The following NUBPL variants were observed in gnomAD, a reference collection of about 807,000 sequenced individuals.
NUBPL encodes the protein NUBP iron-sulfur cluster assembly factor, mitochondrial.
NUBPL carries 31 observed loss-of-function variants against 45.7 expected under a neutral mutation model. The ratio of observed to expected loss-of-function variants is 0.68; its 90% CI spans 0.51 to 0.92. NUBPL has a LOEUF of 0.92. Among genes scored for constraint, NUBPL ranks in the 40% least tolerant of loss-of-function variants. The probability of loss-of-function intolerance (pLI) is 0.00; values close to 1 mark genes in which losing one functional copy is unlikely to be tolerated. For missense variants in NUBPL, 401 were observed against 398.7 expected (o/e 1.01, Z -0.05); for synonymous variants, 144 against 140.9 (o/e 1.02, Z -0.15).
At chr14:31,604,528 C>T (rs1439837117) in intron 4 of NUBPL, among the ~76,000 whole-genome samples, 1 of 152,166 alleles carries the variant, frequency 6.6e-6, no homozygotes, top group African/African-American at 2.4e-5. Context: ...ATAGGTGTTC[C>T]TCTGTTCTGG....
At chr14:31,627,971 T>C (rs2035251327) in intron 4 of NUBPL, among the ~76,000 whole-genome samples, 1 of 152,144 alleles carries the variant, frequency 6.6e-6, no homozygotes, top group Non-Finnish European at 1.5e-5. Context: ...AGAGTGGCAT[T>C]GTTTATGTTT....
chr14:31,785,000 C>T (rs982221434), intron 6 of NUBPL, among the ~76,000 whole-genome samples: 7 of 152,108 alleles, frequency 4.6e-5, no homozygotes, highest in Non-Finnish European at 8.8e-5. Context: ...GGCTGGAGTT[C>T]TTTCCTTCAG....
intron 4 of NUBPL, among the ~76,000 whole-genome samples, chr14:31,623,721 A>T (rs911744800): frequency 6.6e-6 from 1 of 152,140 alleles, no homozygotes; most frequent in Non-Finnish European, 1.5e-5. Flanking sequence ...ACCCAGTCTT[A>T]GGTAGTTCTT....
intron 3 of NUBPL, among the ~76,000 whole-genome samples, chr14:31,583,674 A>G (rs2033921865): frequency 6.6e-6 from 1 of 152,206 alleles, no homozygotes; most frequent in Non-Finnish European, 1.5e-5. Flanking sequence ...CTTAAAAATT[A>G]CTTTGCTGTT....
chr14:31,804,264 A>C (rs2039644266), intron 7 of NUBPL, among the ~76,000 whole-genome samples: 3 of 152,240 alleles, frequency 2.0e-5, no homozygotes, highest in Admixed American at 2.0e-4. Flanking sequence ...CAGAATATTT[A>C]TATTGTAGAT....
intron 8 of NUBPL, among the ~76,000 whole-genome samples, chr14:31,835,440 C>G (rs7152090): frequency 1 from 151,987 of 152,310 alleles, 75,834 homozygotes; most frequent in Middle Eastern, 1. Flanking sequence ...TTCCTTCCAT[C>G]ATATAGGGAT....
intron 7 of NUBPL, 90 bp downstream of exon 7, chr14:31,787,963 T>A (rs1180671362): frequency 2.4e-6 from 2 of 830,572 alleles, no homozygotes; most frequent in African/African-American, 3.4e-5. Flanking sequence ...AGGCAAATAT[T>A]TTGCCTTAAA....
chr14:31,778,417 A>T (rs781764459), intron 6 of NUBPL, among the ~76,000 whole-genome samples: 1 of 152,232 alleles, frequency 6.6e-6, no homozygotes, highest in Non-Finnish European at 1.5e-5. Context: ...GTTAAAAAAG[A>T]CTAAGGAAAG....
chr14:31,787,822 C>T lies in NUBPL; in HGVS notation c.556C>T (p.Pro186Ser). 2 of 1,613,126 alleles carry T rather than the reference C, an allele frequency of 1.2e-6. No individual in the cohort carries two copies. Among genetic ancestry groups the T allele is most frequent in the Non-Finnish European group, 1.7e-6 (2 of 1,179,206 alleles). The stretch of plus-strand genomic sequence containing the variant: ...GGACTACTTAGTTGTAGACATGCCA[C>T]CAGGAACTGGAGATGTGCAGTTATC... ...QLDYLVVDMP[P>S]GTGDVQLSVS... is the part of the protein sequence containing the mutation. The change falls in exon 7 of 11, where the codon CCA becomes TCA. Residue 186 changes from proline (P) to serine (S), a missense_variant. Pro to Ser is a moderately conservative substitution (Grantham distance 74, BLOSUM62 -1). Transcript: ENST00000281081.
chr14:31,648,861 C>T (rs4981109), intron 4 of NUBPL, among the ~76,000 whole-genome samples: 83,602 of 152,056 alleles, frequency 0.55, 25,184 homozygotes, highest in African/African-American at 0.82. Context: ...CAGGCTGGAG[C>T]GCAGTGGTGC....
At chr14:31,600,293 T>TG (rs1157137153) in intron 4 of NUBPL, among the ~76,000 whole-genome samples, 2 of 152,106 alleles carry the variant, frequency 1.3e-5, no homozygotes, top group Non-Finnish European at 2.9e-5. Flanking sequence ...GGTTCAGGGT[T>TG]GGGGGTGCCT....
intron 6 of NUBPL, among the ~76,000 whole-genome samples, chr14:31,738,539 A>AT (rs2038209866): frequency 6.6e-6 from 1 of 152,168 alleles, no homozygotes; most frequent in Non-Finnish European, 1.5e-5. Context: ...CTCTCTATAA[A>AT]TTTTTTATAC....
At chr14:31,604,179 GA>G (rs34844125) in intron 4 of NUBPL, among the ~76,000 whole-genome samples, 85,958 of 121,856 alleles carry the variant, frequency 0.71, 31,099 homozygotes, top group East Asian at 0.96. Flanking sequence ...TGGAAAGGCT[GA>G]AAAAAAAAAA....
intron 10 of NUBPL, among the ~76,000 whole-genome samples, chr14:31,852,411 G>T (rs1191644974): frequency 2.0e-5 from 3 of 152,140 alleles, no homozygotes; most frequent in African/African-American, 7.2e-5. Context: ...GGTGGCTCAC[G>T]CCTGTAATCC....
At chr14:31,674,939 A>T (rs1292713766) in intron 6 of NUBPL, among the ~76,000 whole-genome samples, 2 of 152,126 alleles carry the variant, frequency 1.3e-5, no homozygotes, top group Non-Finnish European at 2.9e-5. Context: ...GATCGAGACC[A>T]TCCTGGCTAA....
At chr14:31,781,933 A>C (rs2039197627) in intron 6 of NUBPL, among the ~76,000 whole-genome samples, 1 of 152,108 alleles carries the variant, frequency 6.6e-6, no homozygotes. Flanking sequence ...TTATATCCAT[A>C]ACTTTCTTAC....
At chr14:31,710,337 C>T (rs552916980) in intron 6 of NUBPL, among the ~76,000 whole-genome samples, 5 of 152,200 alleles carry the variant, frequency 3.3e-5, no homozygotes, top group African/African-American at 7.2e-5. Context: ...TTGCACTCAC[C>T]GATGCAGCAG....
At chr14:31,777,009 G>A (rs2039108841) in intron 6 of NUBPL, among the ~76,000 whole-genome samples, 2 of 152,314 alleles carry the variant, frequency 1.3e-5, no homozygotes, top group Admixed American at 1.3e-4. Flanking sequence ...TTCCCAATCA[G>A]TTCTCTTTGT....
At chr14:31,666,930 C>G (rs2036445886) in intron 4 of NUBPL, among the ~76,000 whole-genome samples, 2 of 152,184 alleles carry the variant, frequency 1.3e-5, no homozygotes, top group African/African-American at 4.8e-5. Context: ...TACTGTTAGT[C>G]TGATGGGCTT....
Sources: allele counts gnomAD v4.1 joint callset (sites outside exome capture counted in the v4.1 genomes callset), GRCh38; gene constraint gnomAD v4.1.1; transcripts MANE v1.5; gene names NCBI Gene and HGNC (gene_info 2026-07-23, HGNC 2026-07-21).